The following PDE4D variants were observed in gnomAD, a reference collection of about 807,000 sequenced individuals.
PDE4D encodes phosphodiesterase 4D, also known as 3',5'-cyclic-AMP phosphodiesterase 4D.
Under a neutral mutation model 87.4 loss-of-function variants are expected in PDE4D, and 24 were observed. The ratio of observed to expected loss-of-function variants is 0.27; its 90% CI spans 0.20 to 0.39. The LOEUF (loss-of-function observed/expected upper bound fraction) is 0.39. Ranked by LOEUF, PDE4D falls within the 10% of genes least tolerant of loss-of-function variation. PDE4D has a pLI of 1.00. For missense variants in PDE4D, 714 were observed against 1,041.0 expected (o/e 0.69, Z 4.32); for synonymous variants, 384 against 383.2 (o/e 1.00, Z -0.02).
chr5:59,443,748 T>C (rs1199348882), intron 1 of PDE4D, among the ~76,000 whole-genome samples: 1 of 152,184 alleles, frequency 6.6e-6, no homozygotes, highest in Non-Finnish European at 1.5e-5. Context: ...AGTGGATGCA[T>C]TTGAAATTTA....
rs182856725 is a variant in PDE4D, at chr5:60,186,566, G to A, written c.-89-879C>T. 7.2e-5 allele frequency among the ~76,000 whole-genome samples: 11 copies of A among 152,254 alleles called. No individual in the cohort carries two copies. In the East Asian group the frequency reaches 1.9e-3, roughly 27 times the overall value. ...TTCTGGGAAAGAACTTACTGTAAGG[G>A]AAAGAGGATAAAAGGCTTGGTCAAA... On this transcript the variant is annotated intron_variant, in intron 1 of 16. Coordinates refer to the PDE4D transcript ENST00000502484.
chr5:60,437,496 A>C (rs1010952068), intron 1 of PDE4D, among the ~76,000 whole-genome samples: 5 of 152,062 alleles, frequency 3.3e-5, no homozygotes, highest in African/African-American at 7.2e-5. Context: ...GGTTTCATTG[A>C]AAGTTAGTGG....
intron 2 of PDE4D, among the ~76,000 whole-genome samples, chr5:60,150,787 A>G (rs1781437123): frequency 6.6e-6 from 1 of 152,204 alleles, no homozygotes; most frequent in African/African-American, 2.4e-5. Context: ...CCCTGAAAGT[A>G]TGGCCTAACC....
chr5:59,670,183 T>C (rs1399565397), intron 1 of PDE4D, among the ~76,000 whole-genome samples: 1 of 152,288 alleles, frequency 6.6e-6, no homozygotes, highest in East Asian at 1.9e-4. Context: ...ATATATCTAA[T>C]TCAGAGTTTT....
chr5:60,294,210 T>C (rs1023159261), intron 1 of PDE4D, among the ~76,000 whole-genome samples: 5 of 152,206 alleles, frequency 3.3e-5, no homozygotes, highest in African/African-American at 1.2e-4. Flanking sequence ...ACTGTGTTCA[T>C]TGGCCATTTG....
At chr5:59,380,993 G>T (rs1196065841) in intron 1 of PDE4D, among the ~76,000 whole-genome samples, 1 of 152,256 alleles carries the variant, frequency 6.6e-6, no homozygotes, top group Middle Eastern at 3.4e-3. Flanking sequence ...CAGAGTTCTT[G>T]TGGCCCCAAA....
rs79374815 is a variant in PDE4D at position 60,389,687 on chromosome 5, C to A, written c.-90+98255G>T. The stretch of plus-strand genomic sequence containing the variant: ...GATGACTCTCACACATGGCTGACTG[C>A]AGTTTCCTCTCCATACGGGCCTTTC... On this transcript the variant is annotated intron_variant, in intron 1 of 16. Transcript: ENST00000502484. 4.5e-3 allele frequency among the ~76,000 whole-genome samples: 682 copies of A among 152,248 alleles called. 14 individuals carry two copies. The East Asian group carries it at 0.05, about 11-fold the overall frequency.
intron 1 of PDE4D, among the ~76,000 whole-genome samples, chr5:59,268,422 G>C (rs1763220551): frequency 6.6e-6 from 1 of 151,996 alleles, no homozygotes; most frequent in Non-Finnish European, 1.5e-5. Context: ...TCATTAGTTA[G>C]TTACCTGTAC....
intron 1 of PDE4D, among the ~76,000 whole-genome samples, chr5:60,281,986 G>A (rs188073568): frequency 9.2e-5 from 14 of 151,852 alleles, no homozygotes; most frequent in African/African-American, 2.9e-4. Context: ...ACAGTGAGCT[G>A]TGATTGTAGC....
intron 1 of PDE4D, among the ~76,000 whole-genome samples, chr5:60,466,589 G>A (rs1482576195): frequency 6.6e-6 from 1 of 152,132 alleles, no homozygotes; most frequent in Non-Finnish European, 1.5e-5. Flanking sequence ...TGCACCACAA[G>A]AGAGAAATTT....
intron 1 of PDE4D, among the ~76,000 whole-genome samples, chr5:59,488,676 C>CTTTTT (rs11412476): frequency 2.8e-4 from 40 of 144,836 alleles, no homozygotes; most frequent in African/African-American, 9.7e-4. Context: ...AGATAATCTT[C>CTTTTT]TTTTTTTTTT....
intron 1 of PDE4D, among the ~76,000 whole-genome samples, chr5:60,334,095 C>T (rs1156536308): frequency 2.6e-5 from 4 of 152,198 alleles, no homozygotes; most frequent in Non-Finnish European, 1.5e-5. Flanking sequence ...ATGTCAATGT[C>T]TATGTGTTTT....
At chr5:60,240,636 C>T (rs912112673) in intron 1 of PDE4D, among the ~76,000 whole-genome samples, 15 of 152,086 alleles carry the variant, frequency 9.9e-5, no homozygotes, top group South Asian at 2.1e-4. Context: ...GCAACAGGCA[C>T]GCTTCTGTCA....
At chr5:59,428,136 T>C (rs562311096) in intron 1 of PDE4D, among the ~76,000 whole-genome samples, 1 of 152,304 alleles carries the variant, frequency 6.6e-6, no homozygotes, top group South Asian at 2.1e-4. Context: ...GTGTCTAATC[T>C]AGGTGATTTT....
intron 1 of PDE4D, among the ~76,000 whole-genome samples, chr5:59,820,005 C>T (rs1311351500): frequency 6.6e-6 from 1 of 152,154 alleles, no homozygotes; most frequent in Non-Finnish European, 1.5e-5. Flanking sequence ...AGTCATTTGA[C>T]CTTGAACAGC....
At position 59,642,618 on chromosome 5, in the gene PDE4D, C is replaced by T. The variant is rs191938767; in HGVS notation, c.455+250550G>A. ...GCCACCATGTAAGAAGTGTCTTTCA[C>T]CTCCCACCATGATTCTGAGGCCTCC... is the stretch of plus-strand genomic sequence containing the variant. On this transcript the variant is annotated intron_variant, in intron 1 of 14. Coordinates refer to ENST00000340635, the MANE Select transcript of PDE4D (RefSeq NM_001104631.2). Among the ~76,000 whole-genome samples, 7 of 152,258 alleles carry T rather than the reference C, an allele frequency of 4.6e-5. 1 individual carries two copies. In the East Asian group the frequency reaches 1.4e-3, roughly 29 times the overall value.
intron 1 of PDE4D, among the ~76,000 whole-genome samples, chr5:60,371,294 C>T (rs1761009215): frequency 6.6e-6 from 1 of 152,202 alleles, no homozygotes; most frequent in South Asian, 2.1e-4. Context: ...ATGACAGGTA[C>T]ATGGTGGACT....
chr5:59,370,216 T>C (rs1292247517), intron 1 of PDE4D, among the ~76,000 whole-genome samples: 1 of 152,190 alleles, frequency 6.6e-6, no homozygotes, highest in East Asian at 1.9e-4. Flanking sequence ...GCACCCAGAG[T>C]GATCCTTTGA....
chr5:59,787,608 G>T (rs2152639217), intron 1 of PDE4D, among the ~76,000 whole-genome samples: 3 of 152,248 alleles, frequency 2.0e-5, no homozygotes, highest in Middle Eastern at 6.8e-3. Context: ...TAAATGGATG[G>T]AATTAGATCA....
Sources: allele counts gnomAD v4.1 joint callset (sites outside exome capture counted in the v4.1 genomes callset), GRCh38; gene constraint gnomAD v4.1.1; transcripts MANE v1.5; gene names NCBI Gene and HGNC (gene_info 2026-07-23, HGNC 2026-07-21).